The following MOXD1 variants were observed in gnomAD, a reference collection of about 807,000 sequenced individuals.
MOXD1 encodes monooxygenase DBH like 1.
A neutral mutation model predicts 66.6 loss-of-function variants in MOXD1; 62 were observed. That is an observed-to-expected ratio of 0.93 (90% CI 0.76 to 1.15). The LOEUF is 1.15. MOXD1 is among the 50% of genes most tolerant of loss of function. MOXD1 has a pLI of 0.00. For missense variants in MOXD1, 847 were observed against 754.6 expected, an observed-to-expected ratio of 1.12 and a Z score of -1.44; for synonymous variants, 303 against 281.9, an observed-to-expected ratio of 1.07 and a Z score of -0.75.
In MOXD1 at chr6:132,347,927, C is replaced by T. The variant is rs189721865; in HGVS notation, c.664-19333G>A. 1.0e-3 allele frequency among the ~76,000 whole-genome samples: 156 copies of T among 151,820 alleles called. 1 individual carries two copies. Among genetic ancestry groups the T allele is most frequent in the African/African-American group, 3.5e-3 (144 of 41,410 alleles). On this transcript the variant is annotated intron_variant, in intron 4 of 11. Coordinates refer to ENST00000367963, the MANE Select transcript of MOXD1 (RefSeq NM_015529.4). ...ATTCTCCATGTGTTTGAACATGAGG[C>T]CCCCATTTAAAAAGTTCTCATTTAT...
At chr6:132,306,801 C>T (rs144400791) in intron 10 of MOXD1, among the ~76,000 whole-genome samples, 4,195 of 152,258 alleles carry the variant, frequency 0.028, 94 homozygotes, top group Middle Eastern at 0.054. Flanking sequence ...CCTTTTCAGA[C>T]AAGCAAATGC....
At chr6:132,376,812 C>T (rs533429508) in intron 1 of MOXD1, among the ~76,000 whole-genome samples, 3 of 60,794 alleles carry the variant, frequency 4.9e-5, no homozygotes, top group Non-Finnish European at 7.2e-5. Flanking sequence ...CGCGCCCGGC[C>T]AACTACAGCT....
chr6:132,336,238 C>T (rs78069561), intron 4 of MOXD1, among the ~76,000 whole-genome samples: 2 of 152,290 alleles, frequency 1.3e-5, no homozygotes, highest in African/African-American at 4.8e-5. Context: ...TTTCTTCCTG[C>T]CTGTTCTTGT....
intron 1 of MOXD1, chr6:132,392,434 A>G: frequency 6.1e-6 from 8 of 1,307,332 alleles, no homozygotes; most frequent in African/African-American, 1.5e-5. Context: ...ATTCACACAA[A>G]CTCAGCATTC....
intron 4 of MOXD1, among the ~76,000 whole-genome samples, chr6:132,368,174 A>G (rs1776184050): frequency 6.6e-6 from 1 of 152,044 alleles, no homozygotes. Flanking sequence ...AGTATATCCA[A>G]CCACGACTAA....
intron 4 of MOXD1, among the ~76,000 whole-genome samples, chr6:132,343,800 A>C (rs1775613128): frequency 6.6e-6 from 1 of 152,190 alleles, no homozygotes; most frequent in South Asian, 2.1e-4. Flanking sequence ...TAATATTGTT[A>C]TTTAAATTAT....
intron 10 of MOXD1, among the ~76,000 whole-genome samples, chr6:132,312,824 C>T (rs1774861205): frequency 6.6e-6 from 1 of 151,572 alleles, no homozygotes; most frequent in African/African-American, 2.4e-5. Flanking sequence ...AAAAAATAGG[C>T]CATAGAATGC....
chr6:132,384,304 C>T (rs1776575516), intron 1 of MOXD1, among the ~76,000 whole-genome samples: 1 of 114,876 alleles, frequency 8.7e-6, no homozygotes, highest in African/African-American at 3.3e-5. Context: ...TTCCTTCCTC[C>T]CTCCCTCCCT....
At chr6:132,297,656 CA>C in intron 11 of MOXD1, 130 bp downstream of exon 11, 1 of 1,132,050 alleles carries the variant, frequency 8.8e-7, no homozygotes, top group Non-Finnish European at 1.2e-6. Context: ...AATCATTGAA[CA>C]AAAATTATCA....
chr6:132,313,674 G>A (rs990192294), intron 10 of MOXD1, among the ~76,000 whole-genome samples: 1 of 152,180 alleles, frequency 6.6e-6, no homozygotes, highest in African/African-American at 2.4e-5. Flanking sequence ...AGCACTTTGG[G>A]AGGCCGAGGC....
At chr6:132,398,515 C>T (rs1327539929) in intron 1 of MOXD1, among the ~76,000 whole-genome samples, 2 of 152,150 alleles carry the variant, frequency 1.3e-5, no homozygotes, top group East Asian at 1.9e-4. Flanking sequence ...TTAGTGGCTG[C>T]TGTGCATTTA....
At chr6:132,349,694 CCA>C (rs1775764763) in intron 4 of MOXD1, among the ~76,000 whole-genome samples, 1 of 151,802 alleles carries the variant, frequency 6.6e-6, no homozygotes, top group Non-Finnish European at 1.5e-5. Flanking sequence ...TAAGGAATCT[CCA>C]CACTGTTTGC....
At chr6:132,394,219 GA>G (rs1278821836) in intron 1 of MOXD1, among the ~76,000 whole-genome samples, 1 of 152,110 alleles carries the variant, frequency 6.6e-6, no homozygotes, top group Non-Finnish European at 1.5e-5. Context: ...TTTACAGCTG[GA>G]AAAATTACAC....
At position 132,320,640 on chromosome 6, in the gene MOXD1, C is replaced by G; in HGVS notation, c.1354G>C (p.Glu452Gln). 6.2e-7 allele frequency: 1 copy of G among 1,610,034 alleles called. No individual in the cohort carries two copies. The highest frequency in any genetic ancestry group is 1.3e-5 in the African/African-American group (1 of 74,926). Reference sequence around the variant, plus strand: ...AAAAGTTTTCTTACCCAAGTCATCTCAGCTCTATCTTTCGTGTTGTAGCGA... The same window carrying G: ...AAAAGTTTTCTTACCCAAGTCATCTGAGCTCTATCTTTCGTGTTGTAGCGA... The part of the protein sequence containing the change: ...ECRYNTKDRA[E>Q]MTWGGLSTRS... The change falls in exon 9 of 12, where the codon GAG (glutamate) becomes CAG (glutamine). Residue 452 changes from glutamate to glutamine, a missense_variant. Transcript: ENST00000367963.
intron 2 of MOXD1, 28 bp downstream of exon 2, chr6:132,374,603 T>C (rs1776337700): frequency 1.2e-6 from 2 of 1,608,366 alleles, no homozygotes; most frequent in South Asian, 2.2e-5. Flanking sequence ...AATTTGTTCA[T>C]GCATGCATTC....
chr6:132,358,076 AT>A (rs1167646746), intron 4 of MOXD1, among the ~76,000 whole-genome samples: 2 of 152,172 alleles, frequency 1.3e-5, no homozygotes, highest in Non-Finnish European at 2.9e-5. Flanking sequence ...TCATATCTCC[AT>A]TTTGCCAATG....
chr6:132,324,249 A>T, intron 6 of MOXD1, 152 bp from the exon 7 acceptor site: 1 of 773,224 alleles, frequency 1.3e-6, no homozygotes, highest in Non-Finnish European at 2.0e-6. Flanking sequence ...AAAGGGATTC[A>T]AGCAGAGATT....
chr6:132,371,971 C>T (rs1776270672), intron 4 of MOXD1, among the ~76,000 whole-genome samples: 1 of 152,192 alleles, frequency 6.6e-6, no homozygotes, highest in African/African-American at 2.4e-5. Flanking sequence ...GTGGAATTAA[C>T]AATTACTAGC....
chr6:132,328,682 T>A (rs1327023440), intron 4 of MOXD1, 88 bp from the exon 5 acceptor site: 1 of 1,239,954 alleles, frequency 8.1e-7, no homozygotes, highest in Non-Finnish European at 1.1e-6. Context: ...CATAAATTAC[T>A]GTCAGTTTCT....
Sources: allele counts gnomAD v4.1 joint callset (sites outside exome capture counted in the v4.1 genomes callset), GRCh38; gene constraint gnomAD v4.1.1; transcripts MANE v1.5; gene names NCBI Gene and HGNC (gene_info 2026-07-23, HGNC 2026-07-21).